Variants in MTFR1 observed in about 807,000 individuals in gnomAD.
MTFR1 encodes the protein mitochondrial fission regulator 1.
Under a neutral mutation model 38.8 loss-of-function variants are expected in MTFR1, and 28 were observed. The ratio of observed to expected loss-of-function variants is 0.72; its 90% confidence interval spans 0.53 to 0.99. The LOEUF (loss-of-function observed/expected upper bound fraction) is 0.99, where lower values mean the gene tolerates loss of function less well. Among genes scored for constraint, MTFR1 ranks in the 50% least tolerant of loss-of-function variants. The pLI is 0.00. For missense variants in MTFR1, 358 were observed against 395.5 expected, an observed-to-expected ratio of 0.91 and a Z score of 0.81; for synonymous variants, 145 against 137.0, an observed-to-expected ratio of 1.06 and a Z score of -0.41.
intron 3 of MTFR1, 75 bp from the exon 4 acceptor site, chr8:65,693,569 C>G: frequency 8.0e-7 from 1 of 1,248,112 alleles, no homozygotes; most frequent in Non-Finnish European, 1.2e-6. Context: ...GACGATTTTC[C>G]TTTAGGTGAG....
At chr8:65,654,113 A>G (rs1223531750) in intron 1 of MTFR1, among the ~76,000 whole-genome samples, 1 of 151,408 alleles carries the variant, frequency 6.6e-6, no homozygotes, top group African/African-American at 2.4e-5. Flanking sequence ...CATGTATCCT[A>G]TTGGGGGGAA....
At chr8:65,775,951 A>G (rs1273766178), downstream of MTFR1, among the ~76,000 whole-genome samples, 2 of 152,146 alleles carry the variant, frequency 1.3e-5, no homozygotes, top group Non-Finnish European at 2.9e-5. Context: ...TTGTAGCAAA[A>G]GTCTCTAAAA....
chr8:65,682,597 C>T, intron 3 of MTFR1, 146 bp downstream of exon 3: 1 of 616,628 alleles, frequency 1.6e-6, no homozygotes, highest in Non-Finnish European at 2.2e-6. Context: ...TTAAAAACCA[C>T]AGTAAAGCCT....
At chr8:65,760,605 A>G (rs1808441146) in intron 3 of MTFR1, among the ~76,000 whole-genome samples, 1 of 152,232 alleles carries the variant, frequency 6.6e-6, no homozygotes, top group East Asian at 1.9e-4. Flanking sequence ...AAGAAAAGGG[A>G]TCAAGAACTA....
intron 3 of MTFR1, among the ~76,000 whole-genome samples, chr8:65,742,165 G>T (rs1045298900): frequency 4.6e-5 from 7 of 152,176 alleles, no homozygotes; most frequent in African/African-American, 1.7e-4. Context: ...AAAGAAAATT[G>T]TATTTTTAGA....
intron 3 of MTFR1, among the ~76,000 whole-genome samples, chr8:65,746,561 T>C (rs993217710): frequency 6.6e-6 from 1 of 152,200 alleles, no homozygotes; most frequent in African/African-American, 2.4e-5. Flanking sequence ...TTTTATACCA[T>C]ACATTCTTAA....
At chr8:65,716,723 TGG>T in intron 2 of MTFR1, among the ~76,000 whole-genome samples, 1 of 152,338 alleles carries the variant, frequency 6.6e-6, no homozygotes, top group East Asian at 1.9e-4. Flanking sequence ...ACTGTGAGCT[TGG>T]TTAATGTGGG....
intron 3 of MTFR1, chr8:65,739,365 CTG>C (rs1429070651): frequency 2.2e-5 from 21 of 962,462 alleles, no homozygotes; most frequent in Non-Finnish European, 2.8e-5. Context: ...AGCTAAATAA[CTG>C]TGTGTTGTTT....
the MTFR1 span, among the ~76,000 whole-genome samples, chr8:65,776,961 T>C: frequency 6.6e-6 from 1 of 152,208 alleles, no homozygotes. Context: ...TATTGCGCAT[T>C]AAATATGATG....
Position 65,669,965 on chromosome 8 carries a change from A to T in MTFR1, c.13A>T (p.Ile5Phe). 6.2e-7 allele frequency: 1 copy of T among 1,603,780 alleles called. No individual in the cohort carries two copies. The highest frequency in any genetic ancestry group is 1.8e-5 in the Admixed American group (1 of 56,456). MLGW[I>F]KRLIRMVFQQ... ...CTTTGCCATATAAATGCTTGGCTGG[A>T]TTAAGCGCCTAATTAGGATGGTTTT... is the stretch of plus-strand genomic sequence containing the variant. Residue 5 changes from isoleucine to phenylalanine, a missense_variant, in exon 2 of 8, where the codon ATT becomes TTT. Physicochemically the swap from Ile to Phe is conservative, Grantham distance 21. Transcript: ENST00000262146.
At chr8:65,758,807 CTTCCACAAG>C (rs1808355003) in intron 3 of MTFR1, among the ~76,000 whole-genome samples, 2 of 152,320 alleles carry the variant, frequency 1.3e-5, no homozygotes, top group African/African-American at 4.8e-5. Flanking sequence ...GCATTTGCAT[CTTCCACAAG>C]TAAGCAAAGC....
chr8:65,682,392 A>G lies in MTFR1; in HGVS notation c.106A>G (p.Ile36Val), dbSNP rs1332338696. ...SRKPYGSSRSIVRKIGTNLSL... is the reference protein window; with the variant it reads ...SRKPYGSSRSVVRKIGTNLSL... ...GAAGCCATATGGTTCGTCTCGAAGT[A>G]TCGTAAGGAAAATTGGTACTAATTT... Residue 36 changes from isoleucine to valine, a missense_variant, in exon 3 of 8, where the codon ATC becomes GTC. By Grantham distance (29) the Ile-to-Val change is conservative. Transcript: ENST00000262146. 6.4e-7 allele frequency: 1 copy of G among 1,572,916 alleles called. No individual in the cohort carries two copies. The highest frequency in any genetic ancestry group is 8.6e-7 in the Non-Finnish European group (1 of 1,158,872).
chr8:65,737,504 AATT>A (rs979537579), intron 3 of MTFR1, among the ~76,000 whole-genome samples: 1 of 152,038 alleles, frequency 6.6e-6, no homozygotes, highest in African/African-American at 2.4e-5. Flanking sequence ...TGGTTATATT[AATT>A]ATTATTATTA....
intron 3 of MTFR1, among the ~76,000 whole-genome samples, chr8:65,731,267 C>T (rs553886443): frequency 1.3e-5 from 2 of 152,304 alleles, no homozygotes. Flanking sequence ...AAAGGCAACT[C>T]AACCATCAGT....
Position 65,669,927 on chromosome 8 carries a change from A to G in MTFR1, c.-26A>G. On this transcript the variant is annotated 5_prime_UTR_variant, in exon 2 of 8. Coordinates refer to ENST00000262146, the MANE Select transcript of MTFR1 (RefSeq NM_014637.4). ...ATGCCTGAAGAAGTACTTGAAATGC[A>G]AATTTGGGGAGACTTTGCCATATAA... 1 of 1,599,734 alleles carries G rather than the reference A, an allele frequency of 6.3e-7. No individual in the cohort carries two copies. The highest frequency in any genetic ancestry group is 1.1e-5 in the South Asian group (1 of 87,360).
intron 3 of MTFR1, among the ~76,000 whole-genome samples, chr8:65,763,497 G>A (rs914279016): frequency 2.6e-5 from 4 of 151,992 alleles, no homozygotes; most frequent in South Asian, 2.1e-4. Flanking sequence ...CCCAGGAGGC[G>A]AAGGTTGAGG....
Position 65,707,983 on chromosome 8 carries a change from A to T in MTFR1, c.905A>T (p.Glu302Val). Residue 302 changes from glutamate to valine, a missense_variant, in exon 7 of 8, where the codon GAA becomes GTA. Transcript: ENST00000262146. ...GTTGAAAAAGGAATTCCAAAGTCTG[A>T]ATCAGAGGCCACCTCAGAGAGAGTG... The part of the protein sequence containing the change: ...DEVEKGIPKS[E>V]SEATSERVLF... 6 of 1,613,216 alleles carry T rather than the reference A, an allele frequency of 3.7e-6. No homozygotes were observed. Among genetic ancestry groups the T allele is most frequent in the Non-Finnish European group, 5.1e-6 (6 of 1,179,870 alleles).
At chr8:65,746,263 G>A (rs916106718) in intron 3 of MTFR1, among the ~76,000 whole-genome samples, 3 of 152,084 alleles carry the variant, frequency 2.0e-5, no homozygotes, top group Middle Eastern at 3.4e-3. Context: ...TCATTTTAGG[G>A]ACGTAGAAAC....
In MTFR1 at chr8:65,739,408, G is replaced by C. The variant is rs1807301731; in HGVS notation, c.*48+19927G>C. On this transcript the variant is annotated intron_variant, in intron 3 of 3. Transcript: ENST00000521247. The stretch of plus-strand genomic sequence containing the variant: ...CACTAATTTTGGCTGGTTTGTTATA[G>C]AGCAATAGCTAACCGATATAACTGA... The C allele has an allele frequency of 1.3e-5, 17 of 1,350,978 alleles. No homozygotes were observed. In the South Asian group the frequency reaches 2.9e-4, roughly 23 times the overall value. The allele number at this position is 1,350,978 out of a possible 1,614,324, so 83.7% of individuals were successfully genotyped here.
Sources: allele counts gnomAD v4.1 joint callset (sites outside exome capture counted in the v4.1 genomes callset), GRCh38; gene constraint gnomAD v4.1.1; transcripts MANE v1.5; gene names NCBI Gene and HGNC (gene_info 2026-07-23, HGNC 2026-07-21).